Variants in NLRP6 observed in about 807,000 individuals in gnomAD.
NLRP6 encodes the protein NLR family pyrin domain containing 6.
NLRP6 carries 55 observed loss-of-function variants against 70.9 expected under a neutral mutation model. That is an observed-to-expected ratio of 0.78 (90% CI 0.62 to 0.97). NLRP6 has a LOEUF of 0.97. NLRP6 is among the 50% of genes least tolerant of loss of function. The pLI, the probability that NLRP6 is intolerant of heterozygous loss-of-function variation, is 0.00. For synonymous variants in NLRP6, 652 were observed against 581.9 expected (o/e 1.12, Z -1.73); for missense variants, 1,241 against 1,238.3 (o/e 1.00, Z -0.03).
intron 5 of NLRP6, among the ~76,000 whole-genome samples, chr11:283,994 C>T (rs562709432): frequency 9.9e-5 from 15 of 152,234 alleles, no homozygotes; most frequent in South Asian, 2.1e-4. Flanking sequence ...TGTTGAAACA[C>T]GTCTCAGCTC....
At chr11:281,974 A>G in intron 4 of NLRP6, 135 bp downstream of exon 4, 1 of 732,050 alleles carries the variant, frequency 1.4e-6, no homozygotes, top group Admixed American at 3.3e-5. Flanking sequence ...GGAGGCTTTG[A>G]CCACCTCCTT....
chr11:284,997 G>C (rs957515990), intron 7 of NLRP6, among the ~76,000 whole-genome samples, 169 bp from the exon 8 acceptor site: 1 of 151,960 alleles, frequency 6.6e-6, no homozygotes, highest in South Asian at 2.1e-4. Flanking sequence ...CTGTCCCTGA[G>C]TGTCTGTGGC....
In NLRP6 at chr11:280,168, A is replaced by G; in HGVS notation, c.434A>G (p.Lys145Arg). The change falls in exon 4 of 8, where the codon AAG becomes AGG. Residue 145 changes from lysine to arginine, a missense_variant. Physicochemically the swap from Lys to Arg is conservative, Grantham distance 26. Coordinates refer to ENST00000534750, the MANE Select transcript of NLRP6 (RefSeq NM_001276700.2). Reference sequence around the variant, plus strand: ...AACGCCCGCTCCGTGAAGATCACCAAGCGCTTCACCAAGCTGCTCATCGCG... The same window carrying G: ...AACGCCCGCTCCGTGAAGATCACCAGGCGCTTCACCAAGCTGCTCATCGCG... Reference protein sequence around the residue: ...ERNARSVKITKRFTKLLIAPE... With the variant: ...ERNARSVKITRRFTKLLIAPE... 6.4e-7 allele frequency: 1 copy of G among 1,550,442 alleles called. No homozygotes were observed. The highest frequency in any genetic ancestry group is 8.7e-7 in the Non-Finnish European group (1 of 1,147,604).
Position 281,618 on chromosome 11 carries a change from G to A in NLRP6, c.1884G>A (p.Thr628=). 1 of 1,612,624 alleles carries A rather than the reference G, an allele frequency of 6.2e-7. No individual in the cohort carries two copies. The highest frequency in any genetic ancestry group is 8.5e-7 in the Non-Finnish European group (1 of 1,179,506). Residue 628 remains threonine (T), a synonymous_variant, in exon 4 of 8, where the codon ACG becomes ACA. Transcript: ENST00000534750. ...PLELLYCLYE[T]QEDAFVRQAL... The stretch of plus-strand genomic sequence containing the variant: ...AGTTGCTGTACTGCCTGTACGAGAC[G>A]CAGGAGGACGCGTTTGTGCGCCAAG...
intron 2 of NLRP6, 27 bp downstream of exon 2, chr11:279,634 T>C (rs1845437747): frequency 2.2e-6 from 3 of 1,387,412 alleles, no homozygotes; most frequent in African/African-American, 3.1e-5. Context: ...AGGTCCCTCC[T>C]GTCTGGGCAG....
Position 279,452 on chromosome 11 carries a change from C to A in NLRP6, c.155C>A (p.Pro52Gln). ...RDVGPDGRSIPWGRLERADAV... is the reference protein window; with the variant it reads ...RDVGPDGRSIQWGRLERADAV... Reference sequence around the variant, plus strand: ...GTGGGCCCGGACGGACGCAGCATCCCGTGGGGGCGGCTGGAGCGCGCGGAC... The same window carrying A: ...GTGGGCCCGGACGGACGCAGCATCCAGTGGGGGCGGCTGGAGCGCGCGGAC... The change falls in exon 2 of 8, where the codon CCG (proline) becomes CAG (glutamine). Residue 52 changes from proline to glutamine, a missense_variant. Pro to Gln is a moderately conservative substitution (Grantham distance 76). Coordinates refer to ENST00000534750, the MANE Select transcript of NLRP6 (RefSeq NM_001276700.2). The A allele has an allele frequency of 7.1e-7, 1 of 1,403,796 alleles. No homozygotes were observed. The highest frequency in any genetic ancestry group is 3.3e-5 in the Admixed American group (1 of 30,196). The allele number at this position is 1,403,796 out of a possible 1,614,324, so 87.0% of individuals were successfully genotyped here.
intron 4 of NLRP6, among the ~76,000 whole-genome samples, 156 bp downstream of exon 4, chr11:281,995 C>A (rs1845487429): frequency 1.3e-5 from 2 of 152,066 alleles, no homozygotes; most frequent in African/African-American, 4.8e-5. Context: ...GCAAGGCAAC[C>A]ACTGAATTCC....
chr11:282,040 C>T (rs982694412), intron 4 of NLRP6, among the ~76,000 whole-genome samples: 1 of 152,170 alleles, frequency 6.6e-6, no homozygotes, highest in African/African-American at 2.4e-5. Flanking sequence ...ACCATGCCCA[C>T]CGTCAGCCAC....
chr11:279,405 C>T lies in NLRP6; in HGVS notation c.108C>T (p.Arg36=). The part of the protein sequence containing the change: ...LEELSQEQLK[R]FRHKLRDVGP... ...AACTGAGCCAAGAGCAGCTGAAGCG[C>T]TTCCGCCACAAGCTGCGCGACGTGG... The change falls in exon 2 of 8, where the codon CGC becomes CGT. Residue 36 remains arginine, a synonymous_variant. Coordinates refer to ENST00000534750, the MANE Select transcript of NLRP6 (RefSeq NM_001276700.2). 7.4e-7 allele frequency: 1 copy of T among 1,356,528 alleles called. No homozygotes were observed. The allele number at this position is 1,356,528 out of a possible 1,614,324, so 84.0% of individuals were successfully genotyped here.
chr11:282,630 C>T (rs1845494915), intron 4 of NLRP6, 75 bp from the exon 5 acceptor site: 1 of 1,168,172 alleles, frequency 8.6e-7, no homozygotes, highest in African/African-American at 1.5e-5. Flanking sequence ...CCCAGGACTA[C>T]AGATAGACAG....
chr11:284,568 C>T lies in NLRP6; in HGVS notation c.2463C>T (p.Cys821=). 7 of 1,612,400 alleles carry T rather than the reference C, an allele frequency of 4.3e-6. No individual in the cohort carries two copies. Among genetic ancestry groups the T allele is most frequent in the Non-Finnish European group, 5.9e-6 (7 of 1,179,838 alleles). Residue 821 remains cysteine, a synonymous_variant, in exon 7 of 8, where the codon TGC becomes TGT. Transcript: ENST00000534750. Reference sequence around the variant, plus strand: ...TGACCACCCTGGATCTCAGCGGCTGCCAACTGCCCGCCCCCATGGTGACCT... The same window carrying T: ...TGACCACCCTGGATCTCAGCGGCTGTCAACTGCCCGCCCCCATGGTGACCT... The part of the protein sequence containing the change: ...PALTTLDLSG[C]QLPAPMVTYL...
chr11:279,275 C>T (rs966941587), intron 1 of NLRP6, 52 bp from the exon 2 acceptor site: 5 of 914,006 alleles, frequency 5.5e-6, no homozygotes, highest in African/African-American at 5.3e-5. Context: ...CGGGGGCGGG[C>T]GGGGGTCACC....
rs1845447235 is a variant in NLRP6, at chr11:280,187, C to T, written c.453C>T (p.Leu151=). The T allele has an allele frequency of 1.9e-6, 3 of 1,548,188 alleles. No homozygotes were observed. Among genetic ancestry groups the T allele is most frequent in the South Asian group, 1.2e-5 (1 of 84,154 alleles). ...VKITKRFTKL[L]IAPESAAPEE... is the part of the protein sequence containing the mutation. ...TCACCAAGCGCTTCACCAAGCTGCTCATCGCGCCCGAGAGCGCCGCCCCGG... is the reference window on the plus strand; with the variant it reads ...TCACCAAGCGCTTCACCAAGCTGCTTATCGCGCCCGAGAGCGCCGCCCCGG... The change falls in exon 4 of 8, where the codon CTC becomes CTT. Residue 151 remains leucine, a synonymous_variant. Coordinates refer to ENST00000534750, the MANE Select transcript of NLRP6 (RefSeq NM_001276700.2).
intron 4 of NLRP6, 86 bp from the exon 5 acceptor site, chr11:282,618 AC>A: frequency 4.8e-6 from 5 of 1,037,874 alleles, no homozygotes; most frequent in Non-Finnish European, 7.6e-6. Flanking sequence ...CAGCTCTGAG[AC>A]CCCAGGACTA....
chr11:279,706 G>A (rs1008807957), intron 2 of NLRP6, 99 bp downstream of exon 2: 2 of 1,348,280 alleles, frequency 1.5e-6, no homozygotes, highest in Non-Finnish European at 1.9e-6. Context: ...CGGCCCCCGC[G>A]CGTTTTATCC....
In NLRP6 at chr11:280,190, C is replaced by G; in HGVS notation, c.456C>G (p.Ile152Met). The G allele has an allele frequency of 6.5e-7, 1 of 1,548,014 alleles. No individual in the cohort carries two copies. Among genetic ancestry groups the G allele is most frequent in the Non-Finnish European group, 8.7e-7 (1 of 1,146,252 alleles). ...KITKRFTKLL[I>M]APESAAPEEA... ...CCAAGCGCTTCACCAAGCTGCTCAT[C>G]GCGCCCGAGAGCGCCGCCCCGGAGG... The change falls in exon 4 of 8, where the codon ATC (isoleucine) becomes ATG (methionine). Residue 152 changes from isoleucine to methionine, a missense_variant. Coordinates refer to ENST00000534750, the MANE Select transcript of NLRP6 (RefSeq NM_001276700.2).
intron 3 of NLRP6, 58 bp downstream of exon 3, chr11:279,930 G>T: frequency 6.8e-7 from 1 of 1,463,734 alleles, no homozygotes; most frequent in Non-Finnish European, 9.0e-7. Context: ...GGGTCCCGGG[G>T]AGGACCGGGG....
In NLRP6 at chr11:284,577, C is replaced by T. The variant is rs139427977; in HGVS notation, c.2472C>T (p.Pro824=). The T allele has an allele frequency of 9.6e-5, 155 of 1,612,214 alleles. 1 individual carries two copies. Among genetic ancestry groups the T allele is most frequent in the Middle Eastern group, 3.3e-4 (2 of 6,056 alleles). Residue 824 remains proline (P), a synonymous_variant, in exon 7 of 8, where the codon CCC becomes CCT. Transcript: ENST00000534750. ...TTLDLSGCQL[P]APMVTYLCAV... ...TGGATCTCAGCGGCTGCCAACTGCC[C>T]GCCCCCATGGTGACCTACCTGTGTG...
rs576515371 is a variant in NLRP6, at chr11:279,794, T to C, written c.311-40T>C. 4.0e-5 allele frequency: 63 copies of C among 1,575,796 alleles called. No individual in the cohort carries two copies. In the South Asian group the frequency reaches 6.7e-4, roughly 17 times the overall value. On this transcript the variant is annotated intron_variant, in intron 2 of 7. Coordinates refer to ENST00000534750, the MANE Select transcript of NLRP6 (RefSeq NM_001276700.2). ...GGACCCCCGTGGCGCCTTCCCCTGT[T>C]CCCGCCCTCGGCGGAACCTCACCCC... is the stretch of plus-strand genomic sequence containing the variant.
Sources: gnomAD v4.1 joint callset for allele counts (sites outside exome capture counted in the v4.1 genomes callset) on GRCh38, gnomAD v4.1.1 for gene constraint, MANE v1.5 for transcripts, NCBI Gene and HGNC (gene_info 2026-07-23, HGNC 2026-07-21) for gene names.